Variants in PARD3B observed in about 807,000 individuals in gnomAD.
PARD3B encodes the protein partitioning defective 3 homolog B.
In PARD3B, 103 loss-of-function variants were observed where a neutral mutation model predicts 130.2. The observed-to-expected ratio is 0.79, with a 90% confidence interval of 0.67 to 0.93. The LOEUF (loss-of-function observed/expected upper bound fraction) is 0.93. Ranked by LOEUF, PARD3B falls within the 40% of genes least tolerant of loss-of-function variation. PARD3B has a pLI of 0.00. For synonymous variants in PARD3B, 583 were observed against 553.2 expected (o/e 1.05, Z -0.76); for missense variants, 1,609 against 1,499.2 (o/e 1.07, Z -1.21).
intron 4 of PARD3B, among the ~76,000 whole-genome samples, chr2:205,069,181 T>A (rs1700567717): frequency 6.6e-6 from 1 of 152,154 alleles, no homozygotes; most frequent in African/African-American, 2.4e-5. Flanking sequence ...AGGCTGTTTT[T>A]AGTTGTCTAC....
chr2:204,609,757 C>A (rs2125114669), intron 1 of PARD3B, among the ~76,000 whole-genome samples: 2 of 152,022 alleles, frequency 1.3e-5, no homozygotes, highest in African/African-American at 4.8e-5. Flanking sequence ...CTTTTTGAAC[C>A]TTAAAGGTGT....
In PARD3B at chr2:204,623,526, G is replaced by T. The variant is rs2034376753; in HGVS notation, c.121-62655G>T. 6.6e-6 allele frequency among the ~76,000 whole-genome samples: 1 copy of T among 152,050 alleles called. No homozygotes were observed. The highest frequency in any genetic ancestry group is 2.1e-4 in the South Asian group (1 of 4,818). On this transcript the variant is annotated intron_variant, in intron 1 of 22. Transcript: ENST00000406610. This position sits in a 1 kb window ranked among gnomAD's most constrained non-coding sequence, Gnocchi z 4.5. The stretch of plus-strand genomic sequence containing the variant: ...GTCAATTAGAGTGTGTTGTGTAACT[G>T]AAATTATGCAGTCCATGACCTTTTG...
chr2:205,080,533 C>T (rs1575726304), intron 4 of PARD3B, among the ~76,000 whole-genome samples: 1 of 152,026 alleles, frequency 6.6e-6, no homozygotes, highest in African/African-American at 2.4e-5. Context: ...TTTTATAAAT[C>T]CATTGTTACT....
At chr2:204,645,956 C>T (rs1375634680) in intron 1 of PARD3B, among the ~76,000 whole-genome samples, 1 of 152,036 alleles carries the variant, frequency 6.6e-6, no homozygotes, top group African/African-American at 2.4e-5. Context: ...TCCTTCTTGT[C>T]TAAGGATGCT....
intron 18 of PARD3B, among the ~76,000 whole-genome samples, chr2:205,363,824 C>A (rs1559704039): frequency 6.8e-6 from 1 of 146,152 alleles, no homozygotes; most frequent in Non-Finnish European, 1.5e-5. Flanking sequence ...GCCACAACGC[C>A]TGACTGACTT....
At chr2:205,305,158 G>A (rs2042146162) in intron 18 of PARD3B, among the ~76,000 whole-genome samples, 1 of 152,178 alleles carries the variant, frequency 6.6e-6, no homozygotes, top group African/African-American at 2.4e-5. Context: ...TTTCCAAATT[G>A]CATTCCTTAT....
At position 205,113,544 on chromosome 2, in the gene PARD3B, A is replaced by G; in HGVS notation, c.647A>G (p.His216Arg). 1.9e-6 allele frequency: 3 copies of G among 1,613,314 alleles called. No homozygotes were observed. Among genetic ancestry groups the G allele is most frequent in the South Asian group, 1.1e-5 (1 of 91,004 alleles). The change falls in exon 6 of 23, where the codon CAT (histidine) becomes CGT (arginine). Residue 216 changes from histidine (H) to arginine (R), a missense_variant. By Grantham distance (29) the His-to-Arg change is conservative (BLOSUM62 0). Coordinates refer to ENST00000406610, the MANE Select transcript of PARD3B (RefSeq NM_001302769.2). ...ISGEGGPLGI[H>R]VVPFFSSLSG... ...GGGGAAGGAGGCCCATTGGGAATAC[A>G]TGTAGTGCCCTTCTTTTCATCTCTG...
At chr2:205,605,122 G>A (rs35641718) in intron 22 of PARD3B, among the ~76,000 whole-genome samples, 35,865 of 152,078 alleles carry the variant, frequency 0.24, 4,634 homozygotes, top group Middle Eastern at 0.36. Flanking sequence ...TTTTATCATG[G>A]TTCTTAGCTT....
intron 2 of PARD3B, among the ~76,000 whole-genome samples, chr2:204,775,097 C>G (rs563192065): frequency 6.6e-6 from 1 of 152,110 alleles, no homozygotes; most frequent in Non-Finnish European, 1.5e-5. Flanking sequence ...CTGAGGTTCT[C>G]AAATCTTCCT....
intron 2 of PARD3B, among the ~76,000 whole-genome samples, chr2:204,903,101 T>C (rs1022317368): frequency 4.6e-5 from 7 of 152,236 alleles, no homozygotes; most frequent in African/African-American, 1.7e-4. Flanking sequence ...GAAGCCATTT[T>C]CCCATGTAGG....
chr2:205,145,504 T>C (rs1304501956), intron 10 of PARD3B, among the ~76,000 whole-genome samples: 3 of 152,230 alleles, frequency 2.0e-5, no homozygotes, highest in Non-Finnish European at 4.4e-5. Context: ...TAATACTAAT[T>C]GTGAAATATG....
Position 205,528,527 on chromosome 2 carries a change from C to G in PARD3B, c.3181-24797C>G, listed in dbSNP as rs1559181999. Reference sequence around the variant, plus strand: ...TTTTTTTTTGAAACAGAGTCTTGCTCTGTTGCCAGGCTGGAGTGCAGTGGC... The same window carrying G: ...TTTTTTTTTGAAACAGAGTCTTGCTGTGTTGCCAGGCTGGAGTGCAGTGGC... On this transcript the variant is annotated intron_variant, in intron 21 of 22. Coordinates refer to ENST00000406610, the MANE Select transcript of PARD3B (RefSeq NM_001302769.2). Among the ~76,000 whole-genome samples, 4 of 151,216 alleles carry G rather than the reference C, an allele frequency of 2.6e-5. No homozygotes were observed. In the South Asian group the frequency reaches 6.3e-4, roughly 24 times the overall value.
At chr2:205,000,273 T>G (rs1232772394) in intron 3 of PARD3B, among the ~76,000 whole-genome samples, 1 of 152,198 alleles carries the variant, frequency 6.6e-6, no homozygotes, top group Non-Finnish European at 1.5e-5. Flanking sequence ...CTTGTTAAAT[T>G]ATGTTTTCAG....
At chr2:204,634,888 GT>G (rs1217982114) in intron 1 of PARD3B, among the ~76,000 whole-genome samples, 2 of 152,090 alleles carry the variant, frequency 1.3e-5, no homozygotes, top group Admixed American at 6.6e-5. Flanking sequence ...AGCTAGAATA[GT>G]TTTATAAAGA....
At chr2:204,934,699 A>G (rs1688279226) in intron 2 of PARD3B, among the ~76,000 whole-genome samples, 1 of 152,124 alleles carries the variant, frequency 6.6e-6, no homozygotes, top group Non-Finnish European at 1.5e-5. Context: ...ACACACTAAC[A>G]TGTAAAACTA....
intron 2 of PARD3B, among the ~76,000 whole-genome samples, chr2:204,956,934 G>T (rs747090258): frequency 6.6e-6 from 1 of 151,990 alleles, no homozygotes; most frequent in Non-Finnish European, 1.5e-5. Context: ...CTAGGAGAAG[G>T]GCTTCATGGA....
rs74874456 is a variant in PARD3B, at chr2:205,300,469, A to G, written c.2186-61A>G. 6.7e-3 allele frequency: 9,594 copies of G among 1,427,494 alleles called. 416 individuals carry two copies. In the African/African-American group the frequency reaches 0.11, roughly 16 times the overall value. 88.4% of individuals were successfully genotyped at this position (1,427,494 alleles called of 1,614,324 possible). A position where few individuals can be genotyped will look rare whatever the true frequency, so the allele number is the denominator to read the frequency against. The stretch of plus-strand genomic sequence containing the variant: ...TCCAGACAGAAATATTCTTAGAACA[A>G]TAGCATTACACCACACTGCCCCATT... On this transcript the variant is annotated intron_variant, in intron 16 of 22. Transcript: ENST00000406610. The surrounding 1 kb of genome is among the most constrained non-coding windows in gnomAD (Gnocchi z 4.1).
chr2:204,730,375 A>T (rs28454464), intron 2 of PARD3B, among the ~76,000 whole-genome samples: 3,827 of 152,162 alleles, frequency 0.025, 69 homozygotes, highest in South Asian at 0.073. Flanking sequence ...AGCCTTACAT[A>T]GTTAATTTCT....
At chr2:204,704,984 A>T in intron 2 of PARD3B, among the ~76,000 whole-genome samples, 1 of 152,142 alleles carries the variant, frequency 6.6e-6, no homozygotes, top group East Asian at 1.9e-4. Context: ...CCCAATTTTA[A>T]TGTTTTTTGG....
Sources: gnomAD v4.1 joint callset for allele counts (sites outside exome capture counted in the v4.1 genomes callset) on GRCh38, gnomAD v4.1.1 for gene constraint, Gnocchi (gnomAD v3.1) non-coding constraint, MANE v1.5 for transcripts, NCBI Gene and HGNC (gene_info 2026-07-23, HGNC 2026-07-21) for gene names.